Variants in CLIP2 observed in about 807,000 individuals in gnomAD.
CLIP2 encodes CAP-Gly domain-containing linker protein 2.
A neutral mutation model predicts 111.7 loss-of-function variants in CLIP2; 41 were observed. The ratio of observed to expected loss-of-function variants is 0.37; its 90% CI spans 0.29 to 0.48. The LOEUF is 0.48. Ranked by LOEUF, CLIP2 falls within the 20% of genes least tolerant of loss-of-function variation. CLIP2 has a pLI of 0.99. For missense variants in CLIP2, 1,160 were observed against 1,422.1 expected, an observed-to-expected ratio of 0.82 and a Z score of 2.96; for synonymous variants, 660 against 644.2, an observed-to-expected ratio of 1.02 and a Z score of -0.37.
intron 2 of CLIP2, among the ~76,000 whole-genome samples, chr7:74,337,839 G>A (rs1789519705): frequency 6.6e-6 from 1 of 151,938 alleles, no homozygotes; most frequent in African/African-American, 2.4e-5. Flanking sequence ...TAGGTGATCC[G>A]CCTGCCTCGG....
chr7:74,326,663 A>C (rs1475673440), intron 2 of CLIP2, among the ~76,000 whole-genome samples: 1 of 150,238 alleles, frequency 6.7e-6, no homozygotes, highest in African/African-American at 2.5e-5. Flanking sequence ...TTGAGACGGA[A>C]TCTCTCTCTT....
At chr7:74,359,911 A>C (rs576970300) in intron 6 of CLIP2, among the ~76,000 whole-genome samples, 1 of 152,322 alleles carries the variant, frequency 6.6e-6, no homozygotes, top group East Asian at 1.9e-4. Context: ...GCAAGATAAC[A>C]GGTCTTAGGC....
Position 74,376,709 on chromosome 7 carries a change from C to T in CLIP2, c.2308C>T (p.Gln770Ter). The T allele has an allele frequency of 1.2e-6, 2 of 1,613,144 alleles. No individual in the cohort carries two copies. The highest frequency in any genetic ancestry group is 1.1e-5 in the South Asian group (1 of 90,736). Residue 770 changes from glutamine (Q) to a stop codon, truncating the protein, a stop_gained, in exon 10 of 17, where the codon CAG (glutamine) becomes TAG (stop). Coordinates refer to ENST00000223398, the MANE Select transcript of CLIP2 (RefSeq NM_003388.5). LOFTEE classifies it high-confidence loss of function. This position sits in a 1 kb window ranked among gnomAD's most constrained non-coding sequence, Gnocchi z 7.1. ...EKKMLDYERL[Q>*]RAEAQGKQEV... The stretch of plus-strand genomic sequence containing the variant: ...GAAGATGTTGGACTACGAGCGGCTG[C>T]AGCGGGCAGAAGCCCAGGGCAAACA...
chr7:74,397,033 C>T (rs1791470435), intron 13 of CLIP2, 41 bp from the exon 14 acceptor site: 1 of 1,601,304 alleles, frequency 6.2e-7, no homozygotes, highest in African/African-American at 1.3e-5. Context: ...CTGGAGGAGC[C>T]AGGGCTGAGT....
chr7:74,372,506 T>C (rs1790657304), intron 8 of CLIP2, among the ~76,000 whole-genome samples: 1 of 151,016 alleles, frequency 6.6e-6, no homozygotes, highest in East Asian at 2.0e-4. Flanking sequence ...AGTGACAGCC[T>C]GCAGGGGAAC....
intron 15 of CLIP2, among the ~76,000 whole-genome samples, 160 bp downstream of exon 15, chr7:74,400,715 C>T (rs552101737): frequency 1.3e-5 from 2 of 152,320 alleles, no homozygotes; most frequent in East Asian, 1.9e-4. Context: ...GTAGCCCTGT[C>T]CCAGAAACCC....
chr7:74,299,740 C>G (rs1788275272), intron 1 of CLIP2, among the ~76,000 whole-genome samples: 1 of 152,024 alleles, frequency 6.6e-6, no homozygotes, highest in Non-Finnish European at 1.5e-5. Flanking sequence ...CTCTTGTTGC[C>G]TAGGCTGGAG....
chr7:74,307,995 C>T (rs979579013), intron 1 of CLIP2, among the ~76,000 whole-genome samples: 3 of 152,140 alleles, frequency 2.0e-5, no homozygotes, highest in Admixed American at 6.6e-5. Context: ...GAGACTATGG[C>T]CCTGCCTGAA....
At chr7:74,293,436 G>A (rs1554725651) in intron 1 of CLIP2, among the ~76,000 whole-genome samples, 1 of 152,156 alleles carries the variant, frequency 6.6e-6, no homozygotes, top group African/African-American at 2.4e-5. Context: ...GAATGGGGCT[G>A]TAGCCTGAGT....
chr7:74,303,223 G>A (rs892400350), intron 1 of CLIP2, among the ~76,000 whole-genome samples: 1 of 152,214 alleles, frequency 6.6e-6, no homozygotes, highest in Non-Finnish European at 1.5e-5. Context: ...TTCACCACTG[G>A]GTGACCTAAG....
In CLIP2 at chr7:74,400,561, C is replaced by G; in HGVS notation, c.3066+6C>G. ...GCTGCCCTGACAAGGCCCAGGTGAG[C>G]CGCGGCTGACAGGGCCCACCAGGAG... On this transcript the variant is annotated splice_donor_region_variant and intron_variant, in intron 15 of 16. Coordinates refer to ENST00000223398, the MANE Select transcript of CLIP2 (RefSeq NM_003388.5). 1 of 1,540,794 alleles carries G rather than the reference C, an allele frequency of 6.5e-7. No individual in the cohort carries two copies. Among genetic ancestry groups the G allele is most frequent in the Non-Finnish European group, 8.8e-7 (1 of 1,141,172 alleles).
intron 2 of CLIP2, among the ~76,000 whole-genome samples, chr7:74,327,476 G>T (rs1789146840): frequency 6.6e-6 from 1 of 152,178 alleles, no homozygotes. Flanking sequence ...GCACCAACCT[G>T]AAGTGCCCGA....
chr7:74,358,385 A>G (rs1554308986), intron 6 of CLIP2, among the ~76,000 whole-genome samples: 2 of 151,528 alleles, frequency 1.3e-5, no homozygotes, highest in African/African-American at 4.9e-5. Context: ...TTTTTAATAT[A>G]GGGATGGGGT....
intron 8 of CLIP2, among the ~76,000 whole-genome samples, chr7:74,371,030 C>G (rs1039293545): frequency 6.6e-6 from 1 of 151,966 alleles, no homozygotes; most frequent in South Asian, 2.1e-4. Flanking sequence ...GGCAGATCAC[C>G]TGAGGTCAGA....
intron 1 of CLIP2, among the ~76,000 whole-genome samples, chr7:74,308,022 C>T (rs2116478430): frequency 6.6e-6 from 1 of 152,256 alleles, no homozygotes; most frequent in South Asian, 2.1e-4. Context: ...TGTAAGCTCC[C>T]AGGTGGCATG....
intron 13 of CLIP2, among the ~76,000 whole-genome samples, chr7:74,394,566 AC>A (rs1372991626): frequency 6.6e-6 from 1 of 152,008 alleles, no homozygotes; most frequent in Non-Finnish European, 1.5e-5. Context: ...TTGCATTTCA[AC>A]CCGAGTTAAA....
chr7:74,300,735 C>T (rs568655814), intron 1 of CLIP2, among the ~76,000 whole-genome samples: 1 of 152,298 alleles, frequency 6.6e-6, no homozygotes, highest in South Asian at 2.1e-4. Context: ...GGATTACAGG[C>T]GTGAGCCACC....
rs983423912 is a variant in CLIP2 at position 74,345,801 on chromosome 7, C to A, written c.678+6797C>A. ...GGCGGAGGTTGCAATGAGTTGAGAT[C>A]CTGCCATTGCACTCCAGCCTGGGCA... On this transcript the variant is annotated intron_variant, in intron 3 of 16. Transcript: ENST00000223398. Among the ~76,000 whole-genome samples, 10 of 151,886 alleles carry A rather than the reference C, an allele frequency of 6.6e-5. No homozygotes were observed. The South Asian group carries it at 1.9e-3, about 28-fold the overall frequency.
chr7:74,396,797 A>C (rs782368452), intron 13 of CLIP2, among the ~76,000 whole-genome samples: 1 of 152,180 alleles, frequency 6.6e-6, no homozygotes, highest in Non-Finnish European at 1.5e-5. Flanking sequence ...CTGGGATTAC[A>C]GGCGTGAGCC....
Sources: allele counts gnomAD v4.1 joint callset (sites outside exome capture counted in the v4.1 genomes callset), GRCh38; gene constraint gnomAD v4.1.1; non-coding constraint Gnocchi (gnomAD v3.1); transcripts MANE v1.5; gene names NCBI Gene and HGNC (gene_info 2026-07-23, HGNC 2026-07-21).